FBLN5: variants seen among roughly 807,000 people sequenced by gnomAD.
The protein encoded by FBLN5 is fibulin 5.
Under a neutral mutation model 61.6 loss-of-function variants are expected in FBLN5, and 24 were observed. The observed-to-expected ratio is 0.39, with a 90% CI of 0.28 to 0.55. The LOEUF (loss-of-function observed/expected upper bound fraction) is 0.55, where lower values mean the gene tolerates loss of function less well. FBLN5 is among the 20% of genes least tolerant of loss of function. The pLI is 0.65. For missense variants in FBLN5, 470 were observed against 594.1 expected, an observed-to-expected ratio of 0.79 and a Z score of 2.17; for synonymous variants, 213 against 219.8, an observed-to-expected ratio of 0.97 and a Z score of 0.27.
intron 4 of FBLN5, among the ~76,000 whole-genome samples, chr14:91,909,168 C>A (rs979026814): frequency 1.3e-5 from 2 of 152,100 alleles, no homozygotes; most frequent in Non-Finnish European, 2.9e-5. Flanking sequence ...CCGCCTGCCT[C>A]GGCCTCCCAA....
intron 4 of FBLN5, among the ~76,000 whole-genome samples, chr14:91,917,734 T>C (rs1388198275): frequency 2.0e-5 from 3 of 152,184 alleles, no homozygotes; most frequent in Non-Finnish European, 4.4e-5. Context: ...AATTTCCCTA[T>C]AGCTTTATGG....
chr14:91,912,341 A>T (rs1174938752), intron 4 of FBLN5, among the ~76,000 whole-genome samples: 1 of 152,142 alleles, frequency 6.6e-6, no homozygotes, highest in Non-Finnish European at 1.5e-5. Context: ...TACAAAAAAT[A>T]AAAAATAGAA....
At chr14:91,906,949 A>G (rs1890709584) in intron 4 of FBLN5, among the ~76,000 whole-genome samples, 1 of 152,244 alleles carries the variant, frequency 6.6e-6, no homozygotes, top group South Asian at 2.1e-4. Context: ...GGGACGAGGT[A>G]ATCCCAACTC....
intron 7 of FBLN5, among the ~76,000 whole-genome samples, chr14:91,883,665 A>AAAAAAAAAAC (rs1555375090): frequency 2.8e-5 from 4 of 142,670 alleles, no homozygotes; most frequent in Admixed American, 7.0e-5. Flanking sequence ...AACAAAAAAA[A>AAAAAAAAAAC]CACACACACA....
intron 4 of FBLN5, among the ~76,000 whole-genome samples, chr14:91,931,953 G>T (rs931454339): frequency 6.6e-6 from 1 of 152,108 alleles, no homozygotes; most frequent in Non-Finnish European, 1.5e-5. Context: ...GCCCCACACC[G>T]TCCTTCTCTG....
chr14:91,880,465 A>G (rs1889372274), intron 9 of FBLN5, among the ~76,000 whole-genome samples: 1 of 151,970 alleles, frequency 6.6e-6, no homozygotes, highest in South Asian at 2.1e-4. Flanking sequence ...TTTCTAGAGA[A>G]TCTTTGCATA....
chr14:91,888,271 C>A (rs1001212419), intron 6 of FBLN5, among the ~76,000 whole-genome samples: 1 of 151,546 alleles, frequency 6.6e-6, no homozygotes, highest in Non-Finnish European at 1.5e-5. Context: ...TGTACTCCAG[C>A]CTGGGTGACA....
intron 4 of FBLN5, among the ~76,000 whole-genome samples, chr14:91,896,452 ACCATG>A (rs1890229532): frequency 4.8e-5 from 2 of 41,958 alleles, no homozygotes; most frequent in Admixed American, 1.0e-3. Context: ...CACCGAATGG[ACCATG>A]GTGCAGTCGG....
Position 91,919,405 on chromosome 14 carries a change from G to A in FBLN5, c.379+17542C>T, listed in dbSNP as rs559553375. Among the ~76,000 whole-genome samples the A allele has an allele frequency of 3.2e-4, 48 of 149,842 alleles. No homozygotes were observed. In the Middle Eastern group the frequency reaches 0.01, roughly 33 times the overall value. On this transcript the variant is annotated intron_variant, in intron 4 of 10. Transcript: ENST00000342058. ...AGAAAGAAAGAAAGGAAGGAAGGAA[G>A]GAAGGAAGGAAGGAAGGAAGGAAGG...
chr14:91,914,328 T>C (rs4904823), intron 4 of FBLN5, among the ~76,000 whole-genome samples: 13 of 151,520 alleles, frequency 8.6e-5, no homozygotes, highest in African/African-American at 2.9e-4. Context: ...TACAAAAAAA[T>C]TTAGCCGAGC....
Position 91,937,083 on chromosome 14 carries a change from C to A in FBLN5, c.243G>T (p.Ser81=). 1 of 1,613,736 alleles carries A rather than the reference C, an allele frequency of 6.2e-7. No individual in the cohort carries two copies. Among genetic ancestry groups the A allele is most frequent in the Non-Finnish European group, 8.5e-7 (1 of 1,179,924 alleles). Residue 81 remains serine, a synonymous_variant, in exon 4 of 11, where the codon TCG becomes TCT. Transcript: ENST00000342058. ...CTGAGTAGGGGGTCGAGTAGGGGTTCGAGTAGGGCCCTCGATACACAGGGT... is the reference window on the plus strand; with the variant it reads ...CTGAGTAGGGGGTCGAGTAGGGGTTAGAGTAGGGCCCTCGATACACAGGGT... ...RTNPVYRGPY[S]NPYSTPYSGP...
chr14:91,942,832 C>A, intron 2 of FBLN5, 75 bp downstream of exon 2: 1 of 937,234 alleles, frequency 1.1e-6, no homozygotes, highest in Non-Finnish European at 1.7e-6. Context: ...CCTAGGGTTC[C>A]GTAGCGCAAG....
chr14:91,894,840 G>T, intron 5 of FBLN5, 110 bp downstream of exon 5: 7 of 323,692 alleles, frequency 2.2e-5, no homozygotes, highest in South Asian at 7.3e-5. Flanking sequence ...GCCCTCCCTA[G>T]CAAAGAAAAG....
intron 4 of FBLN5, among the ~76,000 whole-genome samples, chr14:91,912,667 G>T (rs888851885): frequency 1.3e-5 from 2 of 151,748 alleles, no homozygotes; most frequent in Non-Finnish European, 2.9e-5. Flanking sequence ...AAAATTAGCT[G>T]GGCATAGTGG....
intron 4 of FBLN5, among the ~76,000 whole-genome samples, chr14:91,902,330 T>C (rs917224793): frequency 2.7e-5 from 4 of 150,388 alleles, no homozygotes; most frequent in South Asian, 2.1e-4. Flanking sequence ...GCCATTATCA[T>C]GAATGTAAAG....
chr14:91,928,981 G>A (rs1263148189), intron 4 of FBLN5, among the ~76,000 whole-genome samples: 2 of 151,640 alleles, frequency 1.3e-5, no homozygotes, highest in Non-Finnish European at 2.9e-5. Context: ...TGGCATGAAC[G>A]TGGGAGGCAG....
chr14:91,885,474 G>A (rs528221805), intron 7 of FBLN5, among the ~76,000 whole-genome samples: 5 of 152,266 alleles, frequency 3.3e-5, no homozygotes, highest in East Asian at 3.9e-4. Flanking sequence ...TCAGTGGCCC[G>A]CCTACCTTGG....
chr14:91,915,636 G>T (rs1332254537), intron 4 of FBLN5, among the ~76,000 whole-genome samples: 1 of 122,732 alleles, frequency 8.1e-6, no homozygotes, highest in African/African-American at 3.1e-5. Context: ...GCAGTGAGCC[G>T]ATATCACGCC....
At chr14:91,872,759 C>T (rs752046522) in intron 10 of FBLN5, among the ~76,000 whole-genome samples, 1 of 152,190 alleles carries the variant, frequency 6.6e-6, no homozygotes, top group Non-Finnish European at 1.5e-5. Context: ...TCCTTGTCAG[C>T]CCTTACGAAA....
Sources: allele counts gnomAD v4.1 joint callset (sites outside exome capture counted in the v4.1 genomes callset), GRCh38; gene constraint gnomAD v4.1.1; transcripts MANE v1.5; gene names NCBI Gene and HGNC (gene_info 2026-07-23, HGNC 2026-07-21).